The following PLEKHA5 variants were observed in gnomAD, a reference collection of about 807,000 sequenced individuals.
PLEKHA5 encodes the protein pleckstrin homology domain containing A5.
In PLEKHA5, 55 loss-of-function variants were observed where a neutral mutation model predicts 181.9. The ratio of observed to expected loss-of-function variants is 0.30; its 90% CI spans 0.24 to 0.38. The LOEUF is 0.38. Among genes scored for constraint, PLEKHA5 ranks in the 10% least tolerant of loss-of-function variants. The pLI, the probability that PLEKHA5 is intolerant of heterozygous loss-of-function variation, is 1.00. For synonymous variants in PLEKHA5, 535 were observed against 529.4 expected (o/e 1.01, Z -0.15); for missense variants, 1,432 against 1,549.5 (o/e 0.92, Z 1.27).
intron 5 of PLEKHA5, among the ~76,000 whole-genome samples, 191 bp from the exon 6 acceptor site, chr12:19,257,242 T>A (rs1161031906): frequency 6.6e-6 from 1 of 152,080 alleles, no homozygotes; most frequent in African/African-American, 2.4e-5. Context: ...GGGGGAAAAA[T>A]TTTTGGTGCG....
intron 3 of PLEKHA5, among the ~76,000 whole-genome samples, chr12:19,248,270 T>G (rs948658588): frequency 6.6e-6 from 1 of 152,178 alleles, no homozygotes; most frequent in Non-Finnish European, 1.5e-5. Context: ...CTATCTCAAC[T>G]CACTGCAGCC....
At chr12:19,202,672 T>C (rs2054465281) in intron 3 of PLEKHA5, among the ~76,000 whole-genome samples, 2 of 152,018 alleles carry the variant, frequency 1.3e-5, no homozygotes, top group African/African-American at 4.8e-5. Context: ...TTGTGAACCC[T>C]AACAAACTGT....
intron 3 of PLEKHA5, among the ~76,000 whole-genome samples, chr12:19,248,841 A>G (rs1232837245): frequency 6.6e-6 from 1 of 152,210 alleles, no homozygotes; most frequent in African/African-American, 2.4e-5. Context: ...GCACGAAGTT[A>G]AACTTTTAAT....
chr12:19,223,000 C>CTTTTTTTTTTTTT (rs62719560), intron 3 of PLEKHA5, among the ~76,000 whole-genome samples: 6 of 128,930 alleles, frequency 4.7e-5, no homozygotes, highest in African/African-American at 5.9e-5. Flanking sequence ...GAAATTTTGT[C>CTTTTTTTTTTTTT]TTTTTTTTTT....
At chr12:19,352,339 C>T (rs184810227) in intron 25 of PLEKHA5, among the ~76,000 whole-genome samples, 3 of 150,970 alleles carry the variant, frequency 2.0e-5, no homozygotes, top group African/African-American at 4.9e-5. Flanking sequence ...GAGCCGAGAT[C>T]GTGCCATTGT....
intron 3 of PLEKHA5, among the ~76,000 whole-genome samples, chr12:19,253,089 T>G (rs1341656056): frequency 7.6e-6 from 1 of 132,168 alleles, no homozygotes; most frequent in East Asian, 2.5e-4. Flanking sequence ...TTTTTTTTTT[T>G]TGGGAGACAG....
At chr12:19,342,529 G>T (rs1301677003) in intron 21 of PLEKHA5, among the ~76,000 whole-genome samples, 1 of 152,122 alleles carries the variant, frequency 6.6e-6, no homozygotes, top group Non-Finnish European at 1.5e-5. Flanking sequence ...GGTGGCACAT[G>T]CCTGTAATCC....
intron 26 of PLEKHA5, among the ~76,000 whole-genome samples, chr12:19,355,164 G>A (rs574150852): frequency 3.3e-5 from 5 of 152,130 alleles, no homozygotes; most frequent in South Asian, 4.2e-4. Flanking sequence ...CAAACCAGTC[G>A]AGTTTTGTTC....
At chr12:19,192,557 G>T (rs1451554691) in intron 3 of PLEKHA5, among the ~76,000 whole-genome samples, 1 of 152,032 alleles carries the variant, frequency 6.6e-6, no homozygotes, top group Non-Finnish European at 1.5e-5. Context: ...AAAAAATTTA[G>T]CCGGGCGTGG....
At chr12:19,262,265 G>T (rs1386772620) in intron 7 of PLEKHA5, among the ~76,000 whole-genome samples, 3 of 152,202 alleles carry the variant, frequency 2.0e-5, no homozygotes, top group Non-Finnish European at 2.9e-5. Context: ...ACAGAGTCTT[G>T]CTCTGTTGCC....
chr12:19,189,201 G>A (rs753707853), intron 3 of PLEKHA5, among the ~76,000 whole-genome samples: 3 of 152,150 alleles, frequency 2.0e-5, no homozygotes, highest in East Asian at 1.9e-4. Flanking sequence ...GAGGGGGACC[G>A]GGGCCACACT....
chr12:19,205,961 C>G (rs1326200482), intron 3 of PLEKHA5, among the ~76,000 whole-genome samples: 1 of 151,954 alleles, frequency 6.6e-6, no homozygotes, highest in Admixed American at 6.6e-5. Context: ...TGAAAGTTTG[C>G]TGTGTAATAC....
At chr12:19,307,292 G>T in intron 15 of PLEKHA5, 1 of 381,872 alleles carries the variant, frequency 2.6e-6, no homozygotes, top group South Asian at 2.7e-5. Context: ...GACCAACATG[G>T]TGAAACCTTG....
intron 16 of PLEKHA5, among the ~76,000 whole-genome samples, chr12:19,317,710 A>T (rs1006261370): frequency 3.4e-5 from 4 of 116,980 alleles, no homozygotes; most frequent in Non-Finnish European, 5.4e-5. Flanking sequence ...GACAGTTTAT[A>T]AAAAAAAAAA....
intron 15 of PLEKHA5, chr12:19,307,009 C>G: frequency 6.0e-6 from 9 of 1,496,970 alleles, no homozygotes; most frequent in South Asian, 4.5e-5. Context: ...TTTGGGGGCT[C>G]CTACTCTTGT....
At chr12:19,295,489 A>G (rs937332331) in intron 15 of PLEKHA5, among the ~76,000 whole-genome samples, 1 of 152,198 alleles carries the variant, frequency 6.6e-6, no homozygotes, top group Admixed American at 6.5e-5. Flanking sequence ...AGAATGAAAT[A>G]TCCTGTTGTA....
intron 3 of PLEKHA5, among the ~76,000 whole-genome samples, chr12:19,234,424 C>CTGTATTACA (rs2061096803): frequency 1.3e-5 from 2 of 152,160 alleles, no homozygotes; most frequent in African/African-American, 4.8e-5. Context: ...CTTCTGTAAA[C>CTGTATTACA]GGTGGCTGTA....
intron 25 of PLEKHA5, among the ~76,000 whole-genome samples, chr12:19,350,299 G>A (rs2094530124): frequency 6.6e-6 from 1 of 152,172 alleles, no homozygotes; most frequent in African/African-American, 2.4e-5. Context: ...AAACACTTAG[G>A]ACAAAAGCAT....
At chr12:19,205,486 C>A in intron 3 of PLEKHA5, 1 of 447,278 alleles carries the variant, frequency 2.2e-6, no homozygotes, top group Non-Finnish European at 3.0e-6. Context: ...TCTAATCGGT[C>A]AGTTATTCCT....
Sources: gnomAD v4.1 joint callset for allele counts (sites outside exome capture counted in the v4.1 genomes callset) on GRCh38, gnomAD v4.1.1 for gene constraint, MANE v1.5 for transcripts, NCBI Gene and HGNC (gene_info 2026-07-23, HGNC 2026-07-21) for gene names.